Variants in STRN observed in about 807,000 individuals in gnomAD.
STRN encodes the protein striatin.
A neutral mutation model predicts 96.3 loss-of-function variants in STRN; 53 were observed. That is an observed-to-expected ratio of 0.55 (90% CI 0.44 to 0.69). The LOEUF is 0.69. Among genes scored for constraint, STRN ranks in the 30% least tolerant of loss-of-function variants. The pLI, the probability that STRN is intolerant of heterozygous loss-of-function variation, is 0.00. For synonymous variants in STRN, 428 were observed against 355.9 expected (o/e 1.20, Z -2.28); for missense variants, 987 against 963.9 (o/e 1.02, Z -0.32).
At chr2:36,857,701 T>C (rs1442886769) in intron 14 of STRN, among the ~76,000 whole-genome samples, 155 bp downstream of exon 14, 2 of 152,034 alleles carry the variant, frequency 1.3e-5, no homozygotes, top group South Asian at 2.1e-4. Flanking sequence ...AACAAAATTA[T>C]ATATAGGTTG....
chr2:36,859,200 G>C (rs935406433), intron 13 of STRN, among the ~76,000 whole-genome samples: 2 of 152,126 alleles, frequency 1.3e-5, no homozygotes, highest in Admixed American at 1.3e-4. Flanking sequence ...GGGGCAGCAG[G>C]ATCAAGTATG....
chr2:36,904,553 A>G (rs1209856003), intron 4 of STRN, among the ~76,000 whole-genome samples: 9 of 152,184 alleles, frequency 5.9e-5, no homozygotes, highest in Non-Finnish European at 1.2e-4. Context: ...TTGACCGGGC[A>G]TGGTGGCTCA....
intron 1 of STRN, among the ~76,000 whole-genome samples, chr2:36,941,016 G>C (rs574690759): frequency 6.6e-6 from 1 of 152,176 alleles, no homozygotes; most frequent in South Asian, 2.1e-4. Flanking sequence ...AGCTGAACAT[G>C]GTGGCACATG....
At chr2:36,863,613 C>T (rs1390379394) in intron 12 of STRN, among the ~76,000 whole-genome samples, 2 of 152,160 alleles carry the variant, frequency 1.3e-5, no homozygotes, top group East Asian at 3.8e-4. Context: ...GTGATGCCTC[C>T]AGCTTTGTTC....
At chr2:36,875,866 C>T (rs1038480178) in intron 10 of STRN, among the ~76,000 whole-genome samples, 3 of 152,098 alleles carry the variant, frequency 2.0e-5, no homozygotes, top group African/African-American at 7.2e-5. Flanking sequence ...ACTGTGTTAG[C>T]CAGGATGGTC....
At chr2:36,902,101 T>C (rs531564841) in intron 5 of STRN, among the ~76,000 whole-genome samples, 1 of 152,320 alleles carries the variant, frequency 6.6e-6, no homozygotes, top group East Asian at 1.9e-4. Flanking sequence ...TTCAAATAGC[T>C]ACTGAATTGT....
intron 1 of STRN, among the ~76,000 whole-genome samples, chr2:36,960,881 TTTTG>T (rs911457886): frequency 6.6e-5 from 10 of 152,032 alleles, no homozygotes; most frequent in African/African-American, 1.4e-4. Context: ...ATCCATGTAT[TTTTG>T]TTTGTTTGTT....
rs1665171807 is a variant in STRN, at chr2:36,966,536, C to G, written c.-73G>C. ...GCAACAGCGGCGGCAAGCAGCGCCT[C>G]CTCCTCCCTCCGCCGCTCCCGCCCA... On this transcript the variant is annotated 5_prime_UTR_variant, in exon 1 of 18. Coordinates refer to ENST00000263918, the MANE Select transcript of STRN (RefSeq NM_003162.4). 7.5e-7 allele frequency: 1 copy of G among 1,340,402 alleles called. No individual in the cohort carries two copies. The highest frequency in any genetic ancestry group is 1.8e-5 in the South Asian group (1 of 54,064). 83.0% of individuals were successfully genotyped at this position (1,340,402 alleles called of 1,614,324 possible).
intron 14 of STRN, among the ~76,000 whole-genome samples, chr2:36,856,372 T>C (rs563546339): frequency 6.6e-6 from 1 of 152,124 alleles, no homozygotes; most frequent in East Asian, 1.9e-4. Context: ...TTGTTCAAAA[T>C]AGCAAAAAAC....
intron 1 of STRN, among the ~76,000 whole-genome samples, chr2:36,937,856 T>G (rs540976700): frequency 1.3e-5 from 2 of 152,182 alleles, no homozygotes; most frequent in South Asian, 2.1e-4. Flanking sequence ...TCTTAACAGT[T>G]AGCAGGAGGA....
At chr2:36,877,423 A>C (rs1436687632) in intron 10 of STRN, among the ~76,000 whole-genome samples, 1 of 152,230 alleles carries the variant, frequency 6.6e-6, no homozygotes, top group Non-Finnish European at 1.5e-5. Flanking sequence ...GTTATGGAAA[A>C]ATGTTAGTTT....
chr2:36,914,000 T>A (rs2148215760), intron 3 of STRN, among the ~76,000 whole-genome samples: 1 of 152,200 alleles, frequency 6.6e-6, no homozygotes, highest in Admixed American at 6.5e-5. Context: ...TTTTTTTTTT[T>A]AAGAGACAGG....
Position 36,844,303 on chromosome 2 carries a change from G to A in STRN, c.*5153C>T, listed in dbSNP as rs1281478787. 2.6e-5 allele frequency: 4 copies of A among 152,090 alleles called. No homozygotes were observed. Among genetic ancestry groups the A allele is most frequent in the Non-Finnish European group, 2.9e-5 (2 of 67,992 alleles). The allele number at this position is 152,090 out of a possible 1,614,324, so 9.4% of individuals were successfully genotyped here. On this transcript the variant is annotated 3_prime_UTR_variant, in exon 18 of 18. Coordinates refer to ENST00000263918, the MANE Select transcript of STRN (RefSeq NM_003162.4). ...ATAGTAGGGAGGGAGATGTGTGGTA[G>A]ACCAAAGACTTTCTGATTGCTGATA...
intron 3 of STRN, among the ~76,000 whole-genome samples, chr2:36,915,246 T>TATATATAC (rs1225530157): frequency 9.8e-6 from 1 of 102,014 alleles, no homozygotes; most frequent in Non-Finnish European, 1.7e-5. Context: ...TATATATATA[T>TATATATAC]ATATATATAT....
At chr2:36,856,220 G>C (rs1449785395) in intron 14 of STRN, among the ~76,000 whole-genome samples, 1 of 152,170 alleles carries the variant, frequency 6.6e-6, no homozygotes, top group African/African-American at 2.4e-5. Flanking sequence ...GCTGTCAAAG[G>C]TGTAAAATGG....
At chr2:36,895,559 T>C (rs1191417162) in intron 6 of STRN, among the ~76,000 whole-genome samples, 1 of 151,986 alleles carries the variant, frequency 6.6e-6, no homozygotes, top group Non-Finnish European at 1.5e-5. Flanking sequence ...CTTTTATAAA[T>C]ACAAACCATA....
chr2:36,930,794 A>G (rs1161331461), intron 1 of STRN, among the ~76,000 whole-genome samples: 1 of 152,120 alleles, frequency 6.6e-6, no homozygotes, highest in Admixed American at 6.6e-5. Flanking sequence ...GCACTTTGGG[A>G]GGCCGAGACG....
At position 36,841,568 on chromosome 2, in the gene STRN, C is replaced by T. The variant is rs1051387258; in HGVS notation, c.*7888G>A. 2 of 152,134 alleles carry T rather than the reference C, an allele frequency of 1.3e-5. No homozygotes were observed. The highest frequency in any genetic ancestry group is 2.9e-5 in the Non-Finnish European group (2 of 68,012). 9.4% of individuals were successfully genotyped at this position (152,134 alleles called of 1,614,324 possible). A position where few individuals can be genotyped will look rare whatever the true frequency, so the allele number is the denominator to read the frequency against. ...TTAAAAATGTTTTTAAAAGCATAGTCAAAACCATTCAAAAGAGAACTCACT... is the reference window on the plus strand; with the variant it reads ...TTAAAAATGTTTTTAAAAGCATAGTTAAAACCATTCAAAAGAGAACTCACT... On this transcript the variant is annotated 3_prime_UTR_variant, in exon 18 of 18. Coordinates refer to ENST00000263918, the MANE Select transcript of STRN (RefSeq NM_003162.4).
At chr2:36,905,930 C>T (rs1669807413) in intron 3 of STRN, among the ~76,000 whole-genome samples, 1 of 151,976 alleles carries the variant, frequency 6.6e-6, no homozygotes, top group South Asian at 2.1e-4. Context: ...ACAATGAGAG[C>T]CAAATAAAAG....
Sources: gnomAD v4.1 joint callset for allele counts (sites outside exome capture counted in the v4.1 genomes callset) on GRCh38, gnomAD v4.1.1 for gene constraint, MANE v1.5 for transcripts, NCBI Gene and HGNC (gene_info 2026-07-23, HGNC 2026-07-21) for gene names.